The following IL1RAPL2 variants were observed in gnomAD, a reference collection of about 807,000 sequenced individuals.
IL1RAPL2 encodes the protein interleukin 1 receptor accessory protein like 2.
IL1RAPL2 carries 3 observed loss-of-function variants against 44.1 expected under a neutral mutation model. The ratio of observed to expected loss-of-function variants is 0.07; its 90% CI spans 0.03 to 0.18. The LOEUF is 0.18. Ranked by LOEUF, IL1RAPL2 falls within the 10% of genes least tolerant of loss-of-function variation. IL1RAPL2 has a pLI of 1.00. For synonymous variants in IL1RAPL2, 181 were observed against 178.8 expected, an observed-to-expected ratio of 1.01 and a Z score of -0.10; for missense variants, 391 against 496.4, an observed-to-expected ratio of 0.79 and a Z score of 2.02.
At chrX:104,941,094 G>C (rs1189981566) in intron 2 of IL1RAPL2, among the ~76,000 whole-genome samples, 1 of 110,547 alleles carries the variant, frequency 9.0e-6, no homozygotes, top group East Asian at 2.9e-4. Flanking sequence ...TCTTAATCCA[G>C]TCTATCATTG....
intron 2 of IL1RAPL2, among the ~76,000 whole-genome samples, chrX:104,767,693 A>G (rs934653209): frequency 1.8e-5 from 2 of 112,374 alleles, no homozygotes; most frequent in Non-Finnish European, 3.7e-5. Flanking sequence ...CCCATAGTAC[A>G]AATTACAAAC....
intron 2 of IL1RAPL2, among the ~76,000 whole-genome samples, chrX:105,032,885 A>G (rs1171161086): frequency 1.8e-5 from 2 of 111,368 alleles, no homozygotes; most frequent in East Asian, 2.8e-4. Context: ...GTCACTAAGG[A>G]CTTGCTTTAT....
intron 2 of IL1RAPL2, among the ~76,000 whole-genome samples, chrX:104,920,929 G>A (rs1410982354): frequency 1.8e-5 from 2 of 111,034 alleles, no homozygotes; most frequent in Non-Finnish European, 3.8e-5. Context: ...CAATAGAGAA[G>A]TGACAGAAGA....
At chrX:104,781,198 G>C (rs1208025837) in intron 2 of IL1RAPL2, among the ~76,000 whole-genome samples, 1 of 110,673 alleles carries the variant, frequency 9.0e-6, no homozygotes, top group African/African-American at 3.3e-5. Flanking sequence ...ATGTGAGACA[G>C]ACATTGTATT....
intron 6 of IL1RAPL2, among the ~76,000 whole-genome samples, chrX:105,528,255 A>G (rs746989049): frequency 7.2e-5 from 8 of 111,356 alleles, no homozygotes; most frequent in Non-Finnish European, 1.3e-4. Flanking sequence ...TAATCCCTAC[A>G]ACAGCCCCAT....
intron 1 of IL1RAPL2, among the ~76,000 whole-genome samples, chrX:104,610,552 T>C (rs1449867298): frequency 1.8e-5 from 2 of 111,753 alleles, no homozygotes; most frequent in African/African-American, 6.5e-5. Context: ...AATAAAATAC[T>C]TAGGAATCCA....
chrX:104,823,191 A>G (rs1266611500), intron 2 of IL1RAPL2, among the ~76,000 whole-genome samples: 6 of 110,478 alleles, frequency 5.4e-5, no homozygotes, highest in Admixed American at 3.9e-4. Flanking sequence ...ATGCTGGTGC[A>G]CTGCACCCAC....
At chrX:105,200,828 C>T (rs2147614814) in intron 3 of IL1RAPL2, among the ~76,000 whole-genome samples, 1 of 110,941 alleles carries the variant, frequency 9.0e-6, no homozygotes, top group African/African-American at 3.3e-5. Flanking sequence ...ACGAGAATTG[C>T]TTGAATCGGG....
At chrX:105,051,673 A>C (rs760514564) in intron 2 of IL1RAPL2, among the ~76,000 whole-genome samples, 1 of 113,129 alleles carries the variant, frequency 8.8e-6, no homozygotes, top group East Asian at 2.8e-4. Context: ...CTAACTCAGA[A>C]AGGGCGGGCC....
At chrX:105,004,818 T>G (rs2030912564) in intron 2 of IL1RAPL2, among the ~76,000 whole-genome samples, 1 of 110,965 alleles carries the variant, frequency 9.0e-6, no homozygotes, top group Non-Finnish European at 1.9e-5. Context: ...ACCATACCCC[T>G]CTTTTACATG....
At chrX:104,753,489 G>A (rs1416598516) in intron 2 of IL1RAPL2, among the ~76,000 whole-genome samples, 6 of 111,256 alleles carry the variant, frequency 5.4e-5, no homozygotes, top group Admixed American at 9.6e-5. Context: ...TAAAACATCC[G>A]AGTATTTTTC....
At chrX:104,751,295 G>C (rs1485726646) in intron 2 of IL1RAPL2, among the ~76,000 whole-genome samples, 1 of 111,608 alleles carries the variant, frequency 9.0e-6, no homozygotes, top group Non-Finnish European at 1.9e-5. Context: ...AAATTCCACA[G>C]TGAGAAAAAC....
intron 1 of IL1RAPL2, among the ~76,000 whole-genome samples, chrX:104,573,637 A>G (rs1928186444): frequency 8.9e-6 from 1 of 112,358 alleles, no homozygotes; most frequent in South Asian, 3.7e-4. Flanking sequence ...TTTATGTCAT[A>G]TCAAACACCA....
intron 2 of IL1RAPL2, among the ~76,000 whole-genome samples, chrX:104,817,553 A>G (rs1921170240): frequency 8.9e-6 from 1 of 111,954 alleles, no homozygotes; most frequent in Non-Finnish European, 1.9e-5. Flanking sequence ...GTGCAGAGAC[A>G]CACTAGAAAT....
At chrX:105,657,759 G>A (rs1266515139) in intron 6 of IL1RAPL2, among the ~76,000 whole-genome samples, 5 of 110,838 alleles carry the variant, frequency 4.5e-5, no homozygotes, top group Non-Finnish European at 7.6e-5. Flanking sequence ...GATTACAGGC[G>A]CCCACCTCCA....
intron 2 of IL1RAPL2, among the ~76,000 whole-genome samples, chrX:104,733,879 A>T (rs758668951): frequency 1.8e-5 from 2 of 110,693 alleles, no homozygotes; most frequent in South Asian, 7.7e-4. Context: ...AATATTGGCA[A>T]ATCACATATC....
At chrX:105,513,495 T>C (rs1166037178) in intron 6 of IL1RAPL2, among the ~76,000 whole-genome samples, 1 of 112,184 alleles carries the variant, frequency 8.9e-6, no homozygotes, top group Non-Finnish European at 1.9e-5. Flanking sequence ...ATTGTAGTTT[T>C]GATTTGCATT....
chrX:104,993,620 A>G (rs1198417139), intron 2 of IL1RAPL2, among the ~76,000 whole-genome samples: 1 of 111,663 alleles, frequency 9.0e-6, no homozygotes, highest in Non-Finnish European at 1.9e-5. Context: ...AGAAGTGCAG[A>G]TAGGACTTAT....
At chrX:105,731,102 TAAAC>T (rs1406840742) in intron 7 of IL1RAPL2, among the ~76,000 whole-genome samples, 3 of 109,334 alleles carry the variant, frequency 2.7e-5, no homozygotes, top group Admixed American at 9.7e-5. Flanking sequence ...TTTGAAAAAA[TAAAC>T]AAATTTGATA....
Sources: allele counts gnomAD v4.1 joint callset (sites outside exome capture counted in the v4.1 genomes callset), GRCh38; gene constraint gnomAD v4.1.1; transcripts MANE v1.5; gene names NCBI Gene and HGNC (gene_info 2026-07-23, HGNC 2026-07-21).